The following RBM46 variants were observed in gnomAD, a reference collection of about 807,000 sequenced individuals.
The protein encoded by RBM46 is probable RNA-binding protein 46.
In RBM46, 12 loss-of-function variants were observed where a neutral mutation model predicts 43.3. The ratio of observed to expected loss-of-function variants is 0.28; its 90% confidence interval spans 0.18 to 0.45. The LOEUF is 0.45. RBM46 is among the 20% of genes least tolerant of loss of function. The pLI is 1.00. For missense variants in RBM46, 412 were observed against 639.1 expected, an observed-to-expected ratio of 0.64 and a Z score of 3.83; for synonymous variants, 205 against 207.6, an observed-to-expected ratio of 0.99 and a Z score of 0.11.
At position 154,796,747 on chromosome 4, in the gene RBM46, G is replaced by A; in HGVS notation, c.-6G>A. On this transcript the variant is annotated 5_prime_UTR_variant, in exon 2 of 5. Transcript: ENST00000281722. ...GTTATTAAACTTTATTTTAGGAACTGCAACCATGAATGAAGAAAATATAGA... is the reference window on the plus strand; with the variant it reads ...GTTATTAAACTTTATTTTAGGAACTACAACCATGAATGAAGAAAATATAGA... 1 of 1,598,892 alleles carries A rather than the reference G, an allele frequency of 6.3e-7. No individual in the cohort carries two copies. The highest frequency in any genetic ancestry group is 8.5e-7 in the Non-Finnish European group (1 of 1,173,046).
At position 154,801,403 on chromosome 4, in the gene RBM46, GTTC is replaced by G. The variant is rs765689312; in HGVS notation, c.1402+1842_1402+1844del. ...CATCATTGAAGCTAATAAATTCTTA[GTTC>G]TTATTTCTATTGATGCACAAAATAG... is the stretch of plus-strand genomic sequence containing the variant. On this transcript the variant is annotated intron_variant, in intron 4 of 4. Coordinates refer to ENST00000281722, the MANE Select transcript of RBM46 (RefSeq NM_144979.5). Among the ~76,000 whole-genome samples, 51 of 152,062 alleles carry G rather than the reference GTTC, an allele frequency of 3.4e-4. 1 individual carries two copies. The highest frequency in any genetic ancestry group is 1.0e-3 in the Admixed American group (16 of 15,256).
At chr4:154,797,033 T>C (rs1209154650) in intron 2 of RBM46, 130 bp downstream of exon 2, 2 of 598,900 alleles carry the variant, frequency 3.3e-6, no homozygotes, top group Non-Finnish European at 5.5e-6. Flanking sequence ...TTTTTTTTAC[T>C]GTTGAGGAGA....
At chr4:154,785,890 G>A (rs950507358) in intron 1 of RBM46, among the ~76,000 whole-genome samples, 23 of 152,032 alleles carry the variant, frequency 1.5e-4, no homozygotes, top group Non-Finnish European at 2.9e-4. Flanking sequence ...CAGTATTGGA[G>A]GTCATCTAAG....
chr4:154,799,833 C>T (rs1397907070), intron 4 of RBM46, among the ~76,000 whole-genome samples: 1 of 145,280 alleles, frequency 6.9e-6, no homozygotes, highest in Non-Finnish European at 1.5e-5. Flanking sequence ...GATCTTGGCT[C>T]ATTGCAACCT....
chr4:154,817,979 T>A (rs901020307), intron 4 of RBM46, among the ~76,000 whole-genome samples: 3 of 152,110 alleles, frequency 2.0e-5, no homozygotes, highest in Admixed American at 6.5e-5. Context: ...TTTTATCACA[T>A]CCTAGATAAT....
intron 4 of RBM46, among the ~76,000 whole-genome samples, chr4:154,823,036 A>T (rs1290696468): frequency 1.3e-5 from 2 of 151,868 alleles, no homozygotes; most frequent in Non-Finnish European, 3.0e-5. Context: ...ATACCTATCA[A>T]CTGATGAATG....
chr4:154,781,859 C>T (rs555570167), intron 1 of RBM46: 1 of 152,444 alleles, frequency 6.6e-6, no homozygotes, highest in Admixed American at 6.5e-5. Flanking sequence ...AGGCCCGGGC[C>T]GCTGCCTGGC....
intron 4 of RBM46, among the ~76,000 whole-genome samples, chr4:154,812,784 A>G (rs1017301244): frequency 6.6e-6 from 1 of 152,154 alleles, no homozygotes; most frequent in Non-Finnish European, 1.5e-5. Flanking sequence ...AACCGTAGCC[A>G]TACATTTCCT....
chr4:154,782,725 C>T (rs1431204618), intron 1 of RBM46, among the ~76,000 whole-genome samples: 3 of 152,186 alleles, frequency 2.0e-5, no homozygotes, highest in African/African-American at 7.2e-5. Flanking sequence ...TCATGATCCA[C>T]CCGCTTCGGC....
chr4:154,816,180 T>G (rs937064027), intron 4 of RBM46, among the ~76,000 whole-genome samples: 42 of 152,158 alleles, frequency 2.8e-4, no homozygotes, highest in African/African-American at 1.0e-3. Flanking sequence ...TTTTCTCACT[T>G]ATTTTTTCTT....
intron 1 of RBM46, among the ~76,000 whole-genome samples, chr4:154,793,273 A>G (rs1734190818): frequency 1.3e-5 from 2 of 152,180 alleles, no homozygotes; most frequent in African/African-American, 4.8e-5. Flanking sequence ...ACTGAAGAGG[A>G]GCTAGATATT....
Position 154,828,026 on chromosome 4 carries a change from G to A in RBM46, c.1561G>A (p.Gly521Arg). The A allele has an allele frequency of 6.2e-7, 1 of 1,613,830 alleles. No individual in the cohort carries two copies. Among genetic ancestry groups the A allele is most frequent in the Non-Finnish European group, 8.5e-7 (1 of 1,179,840 alleles). The change falls in exon 5 of 5, where the codon GGA becomes AGA. Residue 521 changes from glycine to arginine, a missense_variant. Coordinates refer to ENST00000281722, the MANE Select transcript of RBM46 (RefSeq NM_144979.5). ...ATCACTTGCTAATGGCAGCCATGTTGGACAGCGGCTATGTATCTCCAATCA... is the reference window on the plus strand; with the variant it reads ...ATCACTTGCTAATGGCAGCCATGTTAGACAGCGGCTATGTATCTCCAATCA... ...TISLANGSHV[G>R]QRLCISNQAS...
Position 154,827,833 on chromosome 4 carries a change from A to T in RBM46, c.1403-35A>T, listed in dbSNP as rs569706216. The T allele has an allele frequency of 5.0e-6, 8 of 1,610,300 alleles. No individual in the cohort carries two copies. The South Asian group carries it at 8.8e-5, about 18-fold the overall frequency. ...TTAAATTAAATTTGTGTCCATAAAGATGTACAGCATAATTGTTCATGTATT... is the reference window on the plus strand; with the variant it reads ...TTAAATTAAATTTGTGTCCATAAAGTTGTACAGCATAATTGTTCATGTATT... On this transcript the variant is annotated intron_variant, in intron 4 of 4. Transcript: ENST00000281722.
At chr4:154,792,003 G>A (rs775749776) in intron 1 of RBM46, among the ~76,000 whole-genome samples, 3 of 152,076 alleles carry the variant, frequency 2.0e-5, no homozygotes, top group African/African-American at 4.8e-5. Flanking sequence ...TCTGGATTCA[G>A]GTATTTGTGT....
intron 4 of RBM46, among the ~76,000 whole-genome samples, chr4:154,804,222 G>A (rs1734793895): frequency 6.6e-6 from 1 of 152,142 alleles, no homozygotes; most frequent in African/African-American, 2.4e-5. Context: ...GTGCAAGAAT[G>A]ATCTAAACCA....
chr4:154,827,033 A>T (rs1735999756), intron 4 of RBM46: 2 of 1,217,768 alleles, frequency 1.6e-6, no homozygotes, highest in East Asian at 6.8e-5. Context: ...ACTAAAGAAC[A>T]TAGTTGAGTT....
intron 1 of RBM46, among the ~76,000 whole-genome samples, chr4:154,786,526 T>G (rs1169565407): frequency 6.6e-6 from 1 of 152,226 alleles, no homozygotes; most frequent in Non-Finnish European, 1.5e-5. Flanking sequence ...GATACAAAGC[T>G]GATAATACAG....
Position 154,827,989 on chromosome 4 carries a change from G to A in RBM46, c.1524G>A (p.Leu508=). Residue 508 remains leucine (L), a synonymous_variant, in exon 5 of 5, where the codon TTG becomes TTA. Transcript: ENST00000281722. ...SRPYSYPGYP[L]SPTISLANGS... is the part of the protein sequence containing the mutation. ...CTTATTCTTATCCAGGCTATCCTTTGTCACCAACAATATCACTTGCTAATG... is the reference window on the plus strand; with the variant it reads ...CTTATTCTTATCCAGGCTATCCTTTATCACCAACAATATCACTTGCTAATG... The A allele has an allele frequency of 6.2e-7, 1 of 1,613,918 alleles. No homozygotes were observed. The highest frequency in any genetic ancestry group is 8.5e-7 in the Non-Finnish European group (1 of 1,179,892).
chr4:154,802,095 A>G (rs576832980), intron 4 of RBM46, among the ~76,000 whole-genome samples: 1 of 152,374 alleles, frequency 6.6e-6, no homozygotes, highest in Non-Finnish European at 1.5e-5. Flanking sequence ...CAAAAAGATT[A>G]AACAAAACCC....
Sources: gnomAD v4.1 joint callset for allele counts (sites outside exome capture counted in the v4.1 genomes callset) on GRCh38, gnomAD v4.1.1 for gene constraint, MANE v1.5 for transcripts, NCBI Gene and HGNC (gene_info 2026-07-23, HGNC 2026-07-21) for gene names.